Variants in ECI2 observed in about 807,000 individuals in gnomAD.
The protein encoded by ECI2 is D3,D2-enoyl-CoA isomerase.
Under a neutral mutation model 38.4 loss-of-function variants are expected in ECI2, and 27 were observed. The ratio of observed to expected loss-of-function variants is 0.70; its 90% CI spans 0.52 to 0.97. The LOEUF is 0.97. Among genes scored for constraint, ECI2 ranks in the 50% least tolerant of loss-of-function variants. The pLI, the probability that ECI2 is intolerant of heterozygous loss-of-function variation, is 0.00. For missense variants in ECI2, 470 were observed against 474.4 expected, an observed-to-expected ratio of 0.99 and a Z score of 0.09; for synonymous variants, 168 against 172.0, an observed-to-expected ratio of 0.98 and a Z score of 0.18.
At position 4,125,306 on chromosome 6, in the gene ECI2, C is replaced by T. The variant is rs1271634718; in HGVS notation, c.739G>A (p.Val247Met). The T allele has an allele frequency of 1.2e-6, 2 of 1,614,178 alleles. No individual in the cohort carries two copies. The highest frequency in any genetic ancestry group is 3.3e-5 in the Admixed American group (2 of 60,034). ...CCAAGGAGGGTGACGGAGATGCCCACAGCTGGACCATTGACCACTGCAATC... is the reference window on the plus strand; with the variant it reads ...CCAAGGAGGGTGACGGAGATGCCCATAGCTGGACCATTGACCACTGCAATC... ...PLIAVVNGPA[V>M]GISVTLLGLF... Residue 247 changes from valine to methionine, a missense_variant, in exon 7 of 10, where the codon GTG becomes ATG. Physicochemically the swap from Val to Met is conservative, Grantham distance 21 (BLOSUM62 1). Coordinates refer to ENST00000380118, the MANE Select transcript of ECI2 (RefSeq NM_206836.3).
intron 2 of ECI2, among the ~76,000 whole-genome samples, chr6:4,133,091 G>C (rs1191948480): frequency 6.6e-6 from 1 of 152,052 alleles, no homozygotes; most frequent in Non-Finnish European, 1.5e-5. Flanking sequence ...TTTGTGCTTA[G>C]AGAACTTCAA....
chr6:4,116,500 G>C (rs1481064836), intron 9 of ECI2, among the ~76,000 whole-genome samples: 2 of 149,726 alleles, frequency 1.3e-5, no homozygotes, highest in East Asian at 4.0e-4. Flanking sequence ...GAGTGCAGTG[G>C]TGCAATCTTG....
intron 7 of ECI2, among the ~76,000 whole-genome samples, chr6:4,120,056 T>C (rs1772597175): frequency 6.6e-6 from 1 of 152,228 alleles, no homozygotes. Flanking sequence ...AATATGTTTA[T>C]CATTCACCAG....
intron 8 of ECI2, 38 bp from the exon 9 acceptor site, chr6:4,117,489 CT>C (rs1207656680): frequency 6.3e-7 from 1 of 1,596,550 alleles, no homozygotes; most frequent in Non-Finnish European, 8.5e-7. Context: ...AAGATACTAA[CT>C]TAATAAAACA....
chr6:4,126,027 A>T, intron 6 of ECI2, 108 bp downstream of exon 6: 1 of 857,350 alleles, frequency 1.2e-6, no homozygotes. Flanking sequence ...AGTCACAATT[A>T]ACTGCACTGA....
At chr6:4,122,599 C>G (rs1772876133) in intron 7 of ECI2, among the ~76,000 whole-genome samples, 1 of 152,036 alleles carries the variant, frequency 6.6e-6, no homozygotes, top group Non-Finnish European at 1.5e-5. Context: ...GTTGCCCAGC[C>G]TTACTCTTGC....
At chr6:4,130,325 G>C (rs761085121) in intron 4 of ECI2, 47 bp downstream of exon 4, 2 of 1,613,948 alleles carry the variant, frequency 1.2e-6, no homozygotes, top group Middle Eastern at 1.6e-4. Context: ...GAAACACATA[G>C]AAGAAGAAAG....
At chr6:4,131,613 T>A (rs1400353295) in intron 2 of ECI2, among the ~76,000 whole-genome samples, 1 of 151,916 alleles carries the variant, frequency 6.6e-6, no homozygotes, top group African/African-American at 2.4e-5. Flanking sequence ...TCTCAGCACT[T>A]TGGGAGGCTG....
rs1463374097 is a variant in ECI2, at chr6:4,117,305, A to G, written c.1029+3T>C. 1 of 1,588,372 alleles carries G rather than the reference A, an allele frequency of 6.3e-7. No individual in the cohort carries two copies. The stretch of plus-strand genomic sequence containing the variant: ...TTCTTAGAAGTAAAAGATGAATACT[A>G]ACATTTGGGGGAAGCTTTGCAAATG... On this transcript the variant is annotated splice_donor_region_variant and intron_variant, in intron 9 of 9. Coordinates refer to ENST00000380118, the MANE Select transcript of ECI2 (RefSeq NM_206836.3).
chr6:4,119,216 G>A lies in ECI2; in HGVS notation c.855C>T (p.Tyr285=), dbSNP rs1561649089. 1 of 1,613,752 alleles carries A rather than the reference G, an allele frequency of 6.2e-7. No homozygotes were observed. ...CTGGGCTCATTATCTTCGGAAAAGT[G>A]TAAGAGGAGCATCCTTCCGGACTTT... The part of the protein sequence containing the change: ...LGQSPEGCSS[Y]TFPKIMSPAK... The change falls in exon 8 of 10, where the codon TAC becomes TAT. Residue 285 remains tyrosine (Y), a synonymous_variant. Transcript: ENST00000380118.
At chr6:4,135,205 C>T (rs1003503451) in intron 1 of ECI2, 2 of 785,354 alleles carry the variant, frequency 2.5e-6, no homozygotes, top group Non-Finnish European at 4.1e-6. Flanking sequence ...CTCACCCGCC[C>T]GGAGTCCGGC....
At chr6:4,117,672 A>G (rs2113965692) in intron 8 of ECI2, 1 of 463,470 alleles carries the variant, frequency 2.2e-6, no homozygotes, top group Non-Finnish European at 3.7e-6. Flanking sequence ...GCTTCTGTGT[A>G]TCGTTGTTGG....
intron 2 of ECI2, 140 bp downstream of exon 2, chr6:4,133,409 T>C (rs964873578): frequency 5.6e-5 from 50 of 900,000 alleles, no homozygotes; most frequent in East Asian, 7.7e-5. Context: ...TATATATATA[T>C]ACACACACAC....
intron 2 of ECI2, 138 bp from the exon 3 acceptor site, chr6:4,131,003 T>C: frequency 1.4e-6 from 1 of 713,994 alleles, no homozygotes; most frequent in Non-Finnish European, 2.2e-6. Flanking sequence ...ATCTGAATTT[T>C]CCCCTCCAGT....
chr6:4,121,917 AATGTC>A (rs1192959284), intron 7 of ECI2: 1 of 1,260,984 alleles, frequency 7.9e-7, no homozygotes, highest in Non-Finnish European at 1.1e-6. Context: ...AGTTTCTGTT[AATGTC>A]ATGTATCTTC....
intron 4 of ECI2, among the ~76,000 whole-genome samples, chr6:4,128,079 T>TC (rs1325991846): frequency 3.3e-5 from 5 of 152,194 alleles, no homozygotes; most frequent in Non-Finnish European, 5.9e-5. Context: ...CCACTTTTTT[T>TC]CCAAAAGGGA....
rs1802393 is a variant in ECI2 at position 4,125,352 on chromosome 6, A to G, written c.693T>C (p.Phe231=). Residue 231 remains phenylalanine (F), a synonymous_variant, in exon 7 of 10, where the codon TTT becomes TTC. Coordinates refer to ENST00000380118, the MANE Select transcript of ECI2 (RefSeq NM_206836.3). Reference sequence around the variant, plus strand: ...CAATCAGAGGCTTAGGAAAATCTATAAAACAGCCCACAAATTCCCTACAGA... The same window carrying G: ...CAATCAGAGGCTTAGGAAAATCTATGAAACAGCCCACAAATTCCCTACAGA... ...AVLLREFVGC[F]IDFPKPLIAV... The G allele has an allele frequency of 1.4e-4, 225 of 1,614,156 alleles. 1 individual carries two copies. In the Middle Eastern group the frequency reaches 1.6e-3, roughly 12 times the overall value.
At chr6:4,127,619 TA>T in intron 5 of ECI2, 142 bp downstream of exon 5, 1 of 676,230 alleles carries the variant, frequency 1.5e-6, no homozygotes. Context: ...TTCACCATGT[TA>T]ATCAGGCTCA....
intron 7 of ECI2, among the ~76,000 whole-genome samples, chr6:4,123,492 T>C (rs1275816497): frequency 1.3e-5 from 2 of 151,526 alleles, no homozygotes; most frequent in Non-Finnish European, 2.9e-5. Context: ...CAGAAGACAC[T>C]ATTTGACAAA....
Sources: gnomAD v4.1 joint callset for allele counts (sites outside exome capture counted in the v4.1 genomes callset) on GRCh38, gnomAD v4.1.1 for gene constraint, MANE v1.5 for transcripts, NCBI Gene and HGNC (gene_info 2026-07-23, HGNC 2026-07-21) for gene names.